BTAF1: variants seen among roughly 807,000 people sequenced by gnomAD.
BTAF1 encodes B-TFIID TATA-box binding protein associated factor 1.
BTAF1 carries 38 observed loss-of-function variants against 227.1 expected under a neutral mutation model. That is an observed-to-expected ratio of 0.17 (90% CI 0.13 to 0.22). The LOEUF is 0.22. Among genes scored for constraint, BTAF1 ranks in the 10% least tolerant of loss-of-function variants. The pLI is 1.00. For synonymous variants in BTAF1, 742 were observed against 751.9 expected (o/e 0.99, Z 0.21); for missense variants, 1,598 against 2,204.0 (o/e 0.73, Z 5.51).
intron 4 of BTAF1, among the ~76,000 whole-genome samples, chr10:91,946,959 C>T (rs1845411868): frequency 6.6e-6 from 1 of 151,632 alleles, no homozygotes; most frequent in Non-Finnish European, 1.5e-5. Context: ...CCTGCCTTGG[C>T]TTCTTCCTGC....
intron 3 of BTAF1, among the ~76,000 whole-genome samples, 154 bp from the exon 4 acceptor site, chr10:91,942,268 A>G (rs547296249): frequency 6.8e-6 from 1 of 146,462 alleles, no homozygotes; most frequent in South Asian, 2.4e-4. Context: ...TGGGCAACAG[A>G]GCAAGACCTC....
At chr10:91,924,677 G>T (rs1589719450) in intron 1 of BTAF1, among the ~76,000 whole-genome samples, 1 of 152,330 alleles carries the variant, frequency 6.6e-6, no homozygotes, top group African/African-American at 2.4e-5. Context: ...TAACTAAGGC[G>T]TGGAAGATAA....
chr10:91,935,811 T>C, intron 2 of BTAF1, 31 bp downstream of exon 2: 1 of 1,557,398 alleles, frequency 6.4e-7, no homozygotes, highest in Non-Finnish European at 8.8e-7. Flanking sequence ...TTTAGCATAA[T>C]ACAATTGTAG....
At position 91,976,738 on chromosome 10, in the gene BTAF1, C is replaced by T. The variant is rs999201287; in HGVS notation, c.1651-3716C>T. Reference sequence around the variant, plus strand: ...ATATTGGCAACTATTCCTTACGATACGAATTTGGATTATTTCCAGTGGCCA... The same window carrying T: ...ATATTGGCAACTATTCCTTACGATATGAATTTGGATTATTTCCAGTGGCCA... On this transcript the variant is annotated intron_variant, in intron 14 of 37. Coordinates refer to ENST00000265990, the MANE Select transcript of BTAF1 (RefSeq NM_003972.3). Among the ~76,000 whole-genome samples the T allele has an allele frequency of 7.2e-5, 11 of 152,094 alleles. 1 individual carries two copies. Among genetic ancestry groups the T allele is most frequent in the African/African-American group, 2.7e-4 (11 of 41,404 alleles).
At chr10:92,010,957 T>A in intron 28 of BTAF1, 116 bp from the exon 29 acceptor site, 1 of 764,938 alleles carries the variant, frequency 1.3e-6, no homozygotes, top group Non-Finnish European at 2.3e-6. Flanking sequence ...GTATGTAGAG[T>A]AAGCAGAAGG....
At chr10:92,021,062 C>G (rs1379100827) in intron 34 of BTAF1, among the ~76,000 whole-genome samples, 1 of 152,028 alleles carries the variant, frequency 6.6e-6, no homozygotes, top group African/African-American at 2.4e-5. Flanking sequence ...TTCTTTTCAG[C>G]CAGAGTGAAG....
intron 32 of BTAF1, among the ~76,000 whole-genome samples, chr10:92,014,963 CACAAT>C (rs1421660545): frequency 6.6e-6 from 1 of 152,140 alleles, no homozygotes; most frequent in Non-Finnish European, 1.5e-5. Flanking sequence ...ATGGTAAAAA[CACAAT>C]ATTGTATCTT....
intron 1 of BTAF1, among the ~76,000 whole-genome samples, chr10:91,925,201 A>G (rs187790397): frequency 3.9e-4 from 59 of 152,258 alleles, no homozygotes; most frequent in East Asian, 2.1e-3. Flanking sequence ...TTTTTATTTT[A>G]TAATCTATTC....
chr10:92,026,412 G>A (rs1851520827), intron 35 of BTAF1, among the ~76,000 whole-genome samples, 180 bp from the exon 36 acceptor site: 1 of 152,112 alleles, frequency 6.6e-6, no homozygotes. Context: ...GCTTTGGAAT[G>A]CCCTCTTTTA....
chr10:92,020,880 T>C lies in BTAF1; in HGVS notation c.4863+1945T>C, dbSNP rs116324402. Among the ~76,000 whole-genome samples the C allele has an allele frequency of 3.2e-3, 481 of 152,350 alleles. 2 individuals are homozygous for C. Among genetic ancestry groups the C allele is most frequent in the African/African-American group, 0.011 (452 of 41,584 alleles). On this transcript the variant is annotated intron_variant, in intron 34 of 37. Transcript: ENST00000265990. ...TACATAGGTTCTTACAGATTTTTTTTTTCCCAGCAGTTGCTAATTACATTG... is the reference window on the plus strand; with the variant it reads ...TACATAGGTTCTTACAGATTTTTTTCTTCCCAGCAGTTGCTAATTACATTG...
At chr10:91,962,942 T>A (rs535566295) in intron 12 of BTAF1, among the ~76,000 whole-genome samples, 2 of 152,230 alleles carry the variant, frequency 1.3e-5, no homozygotes, top group East Asian at 3.9e-4. Context: ...ATTTTACTCC[T>A]GGTTTTTAGA....
chr10:91,997,329 A>G, intron 24 of BTAF1: 1 of 516,430 alleles, frequency 1.9e-6, no homozygotes, highest in East Asian at 5.4e-5. Context: ...CTATGAAAAA[A>G]ATCTTATTGG....
intron 30 of BTAF1, among the ~76,000 whole-genome samples, chr10:92,012,106 CT>C: frequency 1.1e-5 from 1 of 89,996 alleles, no homozygotes; most frequent in Non-Finnish European, 2.2e-5. Flanking sequence ...CTCCCCCTCC[CT>C]CCCCTCCTGT....
At chr10:91,933,608 G>T (rs1297311393) in intron 1 of BTAF1, among the ~76,000 whole-genome samples, 1 of 152,162 alleles carries the variant, frequency 6.6e-6, no homozygotes, top group Admixed American at 6.5e-5. Context: ...AGCTGTCAAA[G>T]AAGAGTCAAG....
Position 91,981,715 on chromosome 10 carries a change from T to C in BTAF1, c.1828T>C (p.Trp610Arg). ...VAAACPWMGA[W>R]LCLMMQPSHL... Reference sequence around the variant, plus strand: ...AGCTGCTTGCCCATGGATGGGTGCTTGGCTTTGCTTGATGATGCAGCCTTC... The same window carrying C: ...AGCTGCTTGCCCATGGATGGGTGCTCGGCTTTGCTTGATGATGCAGCCTTC... Residue 610 changes from tryptophan to arginine, a missense_variant, in exon 16 of 38, where the codon TGG becomes CGG. Transcript: ENST00000265990. The C allele has an allele frequency of 6.2e-7, 1 of 1,613,950 alleles. No individual in the cohort carries two copies. The highest frequency in any genetic ancestry group is 8.5e-7 in the Non-Finnish European group (1 of 1,179,868).
At chr10:91,925,415 TTCTTAG>T (rs1230749168) in intron 1 of BTAF1, among the ~76,000 whole-genome samples, 4 of 152,178 alleles carry the variant, frequency 2.6e-5, no homozygotes, top group African/African-American at 9.7e-5. Flanking sequence ...AGTACTTCTT[TTCTTAG>T]AGCAACCTGT....
At chr10:92,000,919 T>G (rs1849483345) in intron 25 of BTAF1, among the ~76,000 whole-genome samples, 1 of 152,154 alleles carries the variant, frequency 6.6e-6, no homozygotes, top group Admixed American at 6.5e-5. Flanking sequence ...CTTTAGGTAT[T>G]GAGAAAAGAT....
intron 17 of BTAF1, 99 bp from the exon 18 acceptor site, chr10:91,982,488 G>T: frequency 1.4e-6 from 2 of 1,388,988 alleles, no homozygotes; most frequent in South Asian, 1.5e-5. Flanking sequence ...GCCAAATTTT[G>T]CTTCAAGTAA....
rs771854813 is a variant in BTAF1, at chr10:92,013,757, C to T, written c.4402C>T (p.Pro1468Ser). 2 of 1,613,844 alleles carry T rather than the reference C, an allele frequency of 1.2e-6. No homozygotes were observed. The highest frequency in any genetic ancestry group is 2.7e-5 in the African/African-American group (2 of 74,892). Residue 1468 changes from proline (P) to serine (S), a missense_variant, in exon 31 of 38, where the codon CCT becomes TCT. Pro to Ser is a moderately conservative substitution (Grantham distance 74). Around this residue, in one of 10 missense-constraint regions of BTAF1, gnomAD observed 184 missense variants for 341.1 expected, o/e 0.54. Transcript: ENST00000265990. ...CCAGTTTGCTGCTCGATATGGTAAA[C>T]CTATATTAGCAAGTAGGGATGCTCG... The part of the protein sequence containing the change: ...ERQFAARYGK[P>S]ILASRDARSS...
Sources: gnomAD v4.1 joint callset for allele counts (sites outside exome capture counted in the v4.1 genomes callset) on GRCh38, gnomAD v4.1.1 for gene constraint, gnomAD v4.1.1 regional missense constraint, MANE v1.5 for transcripts, NCBI Gene and HGNC (gene_info 2026-07-23, HGNC 2026-07-21) for gene names.